MBD5: variants seen among roughly 807,000 people sequenced by gnomAD.
MBD5 encodes methyl-CpG-binding domain protein 5.
A neutral mutation model predicts 117.3 loss-of-function variants in MBD5; 13 were observed. The observed-to-expected ratio is 0.11, with a 90% CI of 0.07 to 0.18. MBD5 has a LOEUF of 0.18. Ranked by LOEUF, MBD5 falls within the 10% of genes least tolerant of loss-of-function variation. The pLI is 1.00. For synonymous variants in MBD5, 727 were observed against 766.4 expected (o/e 0.95, Z 0.85); for missense variants, 1,879 against 2,093.8 (o/e 0.90, Z 2.00).
chr2:148,339,473 G>A (rs1702883794), intron 3 of MBD5, among the ~76,000 whole-genome samples: 1 of 151,924 alleles, frequency 6.6e-6, no homozygotes, highest in Non-Finnish European at 1.5e-5. Flanking sequence ...ATTTATTTCT[G>A]TATAAATAAG....
At chr2:148,337,470 G>A (rs549208378) in intron 3 of MBD5, among the ~76,000 whole-genome samples, 17 of 152,150 alleles carry the variant, frequency 1.1e-4, no homozygotes, top group Non-Finnish European at 2.4e-4. Context: ...AGAAAGCAAG[G>A]TATAGAACAG....
intron 1 of MBD5, among the ~76,000 whole-genome samples, chr2:148,061,367 A>T (rs770248748): frequency 5.5e-4 from 84 of 152,178 alleles, no homozygotes; most frequent in Non-Finnish European, 9.4e-4. Context: ...AATCTAGGAA[A>T]TATTTAAAAT....
In MBD5 at chr2:148,484,079, A is replaced by T. The variant is rs1285864244; in HGVS notation, c.3488A>T (p.Asn1163Ile). 1 of 1,545,158 alleles carries T rather than the reference A, an allele frequency of 6.5e-7. No homozygotes were observed. Among genetic ancestry groups the T allele is most frequent in the African/African-American group, 1.4e-5 (1 of 73,002 alleles). Reference protein sequence around the residue: ...AGNTPGPAKLNSNSVVPQLLN... With the variant: ...AGNTPGPAKLISNSVVPQLLN... The stretch of plus-strand genomic sequence containing the variant: ...AATACACCTGGTCCAGCTAAACTCA[A>T]CAGTAACTCTGTGGTGCCACAGCTA... The change falls in exon 9 of 14, where the codon AAC becomes ATC. Residue 1163 changes from asparagine (N) to isoleucine (I), a missense_variant. Around this residue, in one of 4 missense-constraint regions of MBD5, gnomAD observed 1,666 missense variants for 1,792.2 expected, o/e 0.93. Transcript: ENST00000642680.
chr2:148,097,079 A>G (rs2105270554), intron 1 of MBD5, among the ~76,000 whole-genome samples: 1 of 152,308 alleles, frequency 6.6e-6, no homozygotes, highest in East Asian at 1.9e-4. Context: ...AAAAAGGAAT[A>G]TTATATACTT....
At chr2:148,134,448 G>A (rs999971584) in intron 1 of MBD5, among the ~76,000 whole-genome samples, 5 of 152,038 alleles carry the variant, frequency 3.3e-5, no homozygotes, top group Admixed American at 6.5e-5. Flanking sequence ...CTTTGAACAT[G>A]GATAATAGGC....
intron 11 of MBD5, among the ~76,000 whole-genome samples, chr2:148,497,172 A>G (rs1479285890): frequency 6.6e-6 from 1 of 152,004 alleles, no homozygotes; most frequent in African/African-American, 2.4e-5. Flanking sequence ...CTAAAGCTGC[A>G]TATTACATAT....
chr2:148,479,728 T>C lies in MBD5; in HGVS notation c.2519-3382T>C, dbSNP rs552132329. Among the ~76,000 whole-genome samples the C allele has an allele frequency of 2.6e-5, 4 of 151,570 alleles. No homozygotes were observed. The East Asian group carries it at 7.7e-4, about 29-fold the overall frequency. ...TTTATTATGTCTTTGTTGTTTTTTTTTTTTTTATCATCTTGCTTCTGCATA... is the reference window on the plus strand; with the variant it reads ...TTTATTATGTCTTTGTTGTTTTTTTCTTTTTTATCATCTTGCTTCTGCATA... On this transcript the variant is annotated intron_variant, in intron 8 of 13. Transcript: ENST00000642680.
Position 148,021,178 on chromosome 2 carries a change from A to G in MBD5, c.-1431A>G. Reference sequence around the variant, plus strand: ...GGGCACCTTTTATTTCTATTTTTAAAGGGACAGGACACTAATTCTACCCCA... The same window carrying G: ...GGGCACCTTTTATTTCTATTTTTAAGGGGACAGGACACTAATTCTACCCCA... On this transcript the variant is annotated 5_prime_UTR_variant, in exon 1 of 14. Coordinates refer to ENST00000642680, the MANE Select transcript of MBD5 (RefSeq NM_001378120.1). The G allele has an allele frequency of 6.2e-6, 1 of 161,348 alleles. No homozygotes were observed. The highest frequency in any genetic ancestry group is 1.4e-5 in the Non-Finnish European group (1 of 72,568). The allele number at this position is 161,348 out of a possible 1,614,324, so 10.0% of individuals were successfully genotyped here. A position where few individuals can be genotyped will look rare whatever the true frequency, so the allele number is the denominator to read the frequency against.
rs944080791 is a variant in MBD5 at position 148,514,799 on chromosome 2, T to C, written c.*1858T>C. 2.0e-5 allele frequency: 3 copies of C among 152,288 alleles called. No homozygotes were observed. The highest frequency in any genetic ancestry group is 7.2e-5 in the African/African-American group (3 of 41,450). The allele number at this position is 152,288 out of a possible 1,614,324, so 9.4% of individuals were successfully genotyped here. A position where few individuals can be genotyped will look rare whatever the true frequency, so the allele number is the denominator to read the frequency against. ...GCTCACTTTTGATAGCAACAGCTCTTAGTTATTCCCCTAGGTCTCCTGTGT... is the reference window on the plus strand; with the variant it reads ...GCTCACTTTTGATAGCAACAGCTCTCAGTTATTCCCCTAGGTCTCCTGTGT... On this transcript the variant is annotated 3_prime_UTR_variant, in exon 14 of 14. Transcript: ENST00000642680.
Position 148,468,858 on chromosome 2 carries a change from A to G in MBD5, c.915A>G (p.Thr305=), listed in dbSNP as rs1220273602. The G allele has an allele frequency of 6.2e-7, 1 of 1,613,996 alleles. No homozygotes were observed. Among genetic ancestry groups the G allele is most frequent in the East Asian group, 2.2e-5 (1 of 44,868 alleles). ...TACCTCTTTCCCCAACCTTGACTAC[A>G]AAGAGTCCAGTAATGAAAAAACCAA... ...TNIPLSPTLT[T]KSPVMKKPMC... Residue 305 remains threonine (T), a synonymous_variant, in exon 8 of 14, where the codon ACA becomes ACG. Transcript: ENST00000642680.
rs559337913 is a variant in MBD5, at chr2:148,502,378, C to A, written c.4963-58C>A. ...TGCTTGTACGGCAGGAAAGTAAAAA[C>A]CGTGTTTAACAATTACAGGTCTGGG... On this transcript the variant is annotated intron_variant, in intron 11 of 13. Transcript: ENST00000642680. The A allele has an allele frequency of 2.8e-4, 425 of 1,525,872 alleles. 2 individuals are homozygous for A. Among genetic ancestry groups the A allele is most frequent in the Middle Eastern group, 1.7e-4 (1 of 5,900 alleles). 94.5% of individuals were successfully genotyped at this position (1,525,872 alleles called of 1,614,324 possible).
chr2:148,128,613 T>C (rs1384216443), intron 1 of MBD5, among the ~76,000 whole-genome samples: 2 of 152,198 alleles, frequency 1.3e-5, no homozygotes, highest in African/African-American at 2.4e-5. Context: ...TATATGCATG[T>C]TTTTTGTACT....
At chr2:148,154,798 G>A (rs7422771) in intron 1 of MBD5, among the ~76,000 whole-genome samples, 56,651 of 151,834 alleles carry the variant, frequency 0.37, 11,317 homozygotes, top group South Asian at 0.5. Context: ...GCTCGCGCAC[G>A]GTGCACACAC....
In MBD5 at chr2:148,483,916, A is replaced by G. The variant is rs1244607645; in HGVS notation, c.3325A>G (p.Ile1109Val). 2.7e-5 allele frequency: 42 copies of G among 1,550,430 alleles called. No homozygotes were observed. Among genetic ancestry groups the G allele is most frequent in the Non-Finnish European group, 3.3e-5 (38 of 1,146,976 alleles). The change falls in exon 9 of 14, where the codon ATA becomes GTA. Residue 1109 changes from isoleucine (I) to valine (V), a missense_variant. By Grantham distance (29) the Ile-to-Val change is conservative (BLOSUM62 3). This residue lies in a region of MBD5 where 1,666 missense variants were observed against 1,792.2 expected (regional missense o/e 0.93). Coordinates refer to ENST00000642680, the MANE Select transcript of MBD5 (RefSeq NM_001378120.1). The stretch of plus-strand genomic sequence containing the variant: ...CACCGCTAATCATCCAGAGGTTTCC[A>G]TAGCAACCTCCTCCCAGGCAACCAC... ...ANTANHPEVS[I>V]ATSSQATTTT...
intron 4 of MBD5, among the ~76,000 whole-genome samples, chr2:148,408,297 G>A (rs1358646611): frequency 6.6e-6 from 1 of 151,956 alleles, no homozygotes; most frequent in African/African-American, 2.4e-5. Context: ...ATCTTTTAAC[G>A]TTCCTGAAGC....
chr2:148,509,271 T>C (rs552092211), intron 12 of MBD5, among the ~76,000 whole-genome samples: 3 of 152,194 alleles, frequency 2.0e-5, no homozygotes, highest in African/African-American at 7.2e-5. Context: ...ATGGGCAAAG[T>C]GTACATAACC....
intron 1 of MBD5, among the ~76,000 whole-genome samples, chr2:148,129,545 C>T (rs1047210693): frequency 5.3e-5 from 8 of 151,992 alleles, no homozygotes; most frequent in Admixed American, 4.6e-4. Flanking sequence ...TACTCTATCT[C>T]TAAAAAGATA....
intron 3 of MBD5, among the ~76,000 whole-genome samples, chr2:148,319,770 G>C (rs1161418288): frequency 6.6e-6 from 1 of 152,150 alleles, no homozygotes; most frequent in African/African-American, 2.4e-5. Context: ...GATTGCTGTG[G>C]CAAGGACTTC....
chr2:148,331,808 A>T (rs74615195), intron 3 of MBD5, among the ~76,000 whole-genome samples: 7,218 of 152,214 alleles, frequency 0.047, 198 homozygotes, highest in African/African-American at 0.071. Flanking sequence ...TTGAAAAAAA[A>T]TACCCTAAGC....
Sources: gnomAD v4.1 joint callset for allele counts (sites outside exome capture counted in the v4.1 genomes callset) on GRCh38, gnomAD v4.1.1 for gene constraint, gnomAD v4.1.1 regional missense constraint, MANE v1.5 for transcripts, NCBI Gene and HGNC (gene_info 2026-07-23, HGNC 2026-07-21) for gene names.